Variants in MACROD2 observed in about 807,000 individuals in gnomAD.
MACROD2 encodes the protein mono-ADP ribosylhydrolase 2.
MACROD2 carries 36 observed loss-of-function variants against 70.4 expected under a neutral mutation model. The ratio of observed to expected loss-of-function variants is 0.51; its 90% CI spans 0.39 to 0.68. The LOEUF is 0.68. Ranked by LOEUF, MACROD2 falls within the 30% of genes least tolerant of loss-of-function variation. The pLI is 0.00. For missense variants in MACROD2, 496 were observed against 538.4 expected, an observed-to-expected ratio of 0.92 and a Z score of 0.78; for synonymous variants, 172 against 178.8, an observed-to-expected ratio of 0.96 and a Z score of 0.30.
chr20:15,325,411 T>A (rs1047434505), intron 6 of MACROD2, among the ~76,000 whole-genome samples: 1 of 152,188 alleles, frequency 6.6e-6, no homozygotes, highest in South Asian at 2.1e-4. Flanking sequence ...AGGCTCCCCA[T>A]CATGTTAAAT....
chr20:15,272,161 T>TA (rs1240253462), intron 6 of MACROD2, among the ~76,000 whole-genome samples: 2 of 152,334 alleles, frequency 1.3e-5, no homozygotes, highest in African/African-American at 4.8e-5. Context: ...AATTATTTGC[T>TA]AAAAAAGGGA....
intron 5 of MACROD2, among the ~76,000 whole-genome samples, chr20:15,082,529 T>G (rs1039128593): frequency 1.5e-5 from 2 of 136,188 alleles, no homozygotes; most frequent in Non-Finnish European, 3.2e-5. Context: ...AGAGGTTTTT[T>G]TTTTTTTTTT....
intron 4 of MACROD2, among the ~76,000 whole-genome samples, chr20:14,637,232 G>A (rs1193564295): frequency 6.6e-6 from 1 of 152,100 alleles, no homozygotes; most frequent in African/African-American, 2.4e-5. Context: ...TGATTTACAT[G>A]TGTCTAACAG....
chr20:15,180,360 G>A (rs1353549596), intron 5 of MACROD2, among the ~76,000 whole-genome samples: 2 of 152,142 alleles, frequency 1.3e-5, no homozygotes, highest in Admixed American at 1.3e-4. Flanking sequence ...ATTTAGATGG[G>A]GTATAGTTCA....
In MACROD2 at chr20:14,954,015, C is replaced by G. The variant is rs755806856; in HGVS notation, c.418+269056C>G. On this transcript the variant is annotated intron_variant, in intron 5 of 17. Transcript: ENST00000684519. ...TTGTTAACCCATTTGGTTTCTAAGTCTTAGGAGATATGCAAATGCTGAAGT... is the reference window on the plus strand; with the variant it reads ...TTGTTAACCCATTTGGTTTCTAAGTGTTAGGAGATATGCAAATGCTGAAGT... Among the ~76,000 whole-genome samples, 101 of 152,024 alleles carry G rather than the reference C, an allele frequency of 6.6e-4. 1 individual carries two copies. The highest frequency in any genetic ancestry group is 3.9e-4 in the East Asian group (2 of 5,186).
intron 5 of MACROD2, among the ~76,000 whole-genome samples, chr20:14,743,691 C>T (rs571437336): frequency 1.3e-5 from 2 of 151,956 alleles, no homozygotes; most frequent in East Asian, 1.9e-4. Flanking sequence ...AATTAATACA[C>T]GCGATAGTAG....
rs529212187 is a variant in MACROD2 at position 14,303,878 on chromosome 20, G to A, written c.272-189601G>A. 7.2e-5 allele frequency among the ~76,000 whole-genome samples: 11 copies of A among 152,236 alleles called. No homozygotes were observed. In the South Asian group the frequency reaches 2.3e-3, roughly 32 times the overall value. On this transcript the variant is annotated intron_variant, in intron 3 of 17. Transcript: ENST00000684519. ...TGGGGGTCTTCTAATGAAGGATAGA[G>A]GGCACTTGTGTCATGGTATCTTCTA... is the stretch of plus-strand genomic sequence containing the variant.
At chr20:15,695,531 C>T (rs2146885550) in intron 8 of MACROD2, among the ~76,000 whole-genome samples, 1 of 152,114 alleles carries the variant, frequency 6.6e-6, no homozygotes. Flanking sequence ...TTGCCTCAGC[C>T]TCCTGAGTAG....
intron 3 of MACROD2, among the ~76,000 whole-genome samples, chr20:14,222,813 G>GGA (rs1555938552): frequency 1.9e-4 from 25 of 132,946 alleles, no homozygotes; most frequent in East Asian, 9.8e-4. Flanking sequence ...TTGGATTTCT[G>GGA]AAAAAAAAAA....
intron 8 of MACROD2, among the ~76,000 whole-genome samples, chr20:15,570,452 C>T (rs1205214468): frequency 6.6e-6 from 1 of 152,114 alleles, no homozygotes; most frequent in African/African-American, 2.4e-5. Context: ...GACTACAACT[C>T]GTATGTACAT....
intron 3 of MACROD2, among the ~76,000 whole-genome samples, chr20:14,137,737 A>G (rs2054818593): frequency 1.3e-5 from 2 of 152,196 alleles, no homozygotes; most frequent in African/African-American, 4.8e-5. Flanking sequence ...GATTTTTAGG[A>G]TATTACACCA....
chr20:14,883,273 T>A (rs947784859), intron 5 of MACROD2, among the ~76,000 whole-genome samples: 2 of 152,146 alleles, frequency 1.3e-5, no homozygotes, highest in African/African-American at 4.8e-5. Context: ...GAGACATATC[T>A]AACCTTTCTT....
intron 6 of MACROD2, among the ~76,000 whole-genome samples, chr20:15,253,518 G>T (rs533739226): frequency 1.4e-4 from 21 of 152,262 alleles, no homozygotes; most frequent in Non-Finnish European, 2.6e-4. Flanking sequence ...AAGCTTAACT[G>T]TAATACAAGG....
chr20:15,600,497 C>G (rs1177211592), intron 8 of MACROD2, among the ~76,000 whole-genome samples: 1 of 152,206 alleles, frequency 6.6e-6, no homozygotes, highest in East Asian at 1.9e-4. Context: ...TCTCCCCGCC[C>G]TCCCCTTCTT....
intron 5 of MACROD2, among the ~76,000 whole-genome samples, chr20:15,214,338 A>C (rs1157627408): frequency 6.6e-6 from 1 of 151,880 alleles, no homozygotes; most frequent in African/African-American, 2.4e-5. Flanking sequence ...TATTCCATGG[A>C]CTCTAAGTCC....
chr20:15,245,139 C>G (rs189545324), intron 6 of MACROD2, among the ~76,000 whole-genome samples: 53 of 152,188 alleles, frequency 3.5e-4, no homozygotes, highest in African/African-American at 1.2e-3. Flanking sequence ...TATTTCATGC[C>G]TTCATTTATT....
At chr20:14,023,431 T>C (rs993579877) in intron 2 of MACROD2, among the ~76,000 whole-genome samples, 1 of 152,248 alleles carries the variant, frequency 6.6e-6, no homozygotes, top group African/African-American at 2.4e-5. Context: ...ATTTTGGCTT[T>C]TGTTGCCATT....
chr20:15,954,217 A>G (rs2065944836), intron 12 of MACROD2, among the ~76,000 whole-genome samples: 2 of 152,100 alleles, frequency 1.3e-5, no homozygotes, highest in Admixed American at 6.6e-5. Flanking sequence ...AATGCCCATA[A>G]TACCCTCAGG....
chr20:15,021,121 C>CGTGTATGTGTATACACAT lies in MACROD2; in HGVS notation c.419-208815_419-208814insATGTGTATACACATGTGT, dbSNP rs1555774645. Among the ~76,000 whole-genome samples the CGTGTATGTGTATACACAT allele has an allele frequency of 1.8e-4, 18 of 102,146 alleles. 1 individual carries two copies. Among genetic ancestry groups the CGTGTATGTGTATACACAT allele is most frequent in the African/African-American group, 4.3e-4 (10 of 23,402 alleles). 67.0% of individuals were successfully genotyped at this position (102,146 alleles called of 152,430 possible). A position where few individuals can be genotyped will look rare whatever the true frequency, so the allele number is the denominator to read the frequency against. ...GTGTATACACGTGTATGTGTATACA[C>CGTGTATGTGTATACACAT]GTGTGTATACACATACGTGTGTGTA... On this transcript the variant is annotated intron_variant, in intron 5 of 17. Coordinates refer to ENST00000684519, the MANE Select transcript of MACROD2 (RefSeq NM_001351661.2).
Sources: gnomAD v4.1 joint callset for allele counts (sites outside exome capture counted in the v4.1 genomes callset) on GRCh38, gnomAD v4.1.1 for gene constraint, MANE v1.5 for transcripts, NCBI Gene and HGNC (gene_info 2026-07-23, HGNC 2026-07-21) for gene names.